Variants in ZNF292 observed in about 807,000 individuals in gnomAD.
ZNF292 encodes the protein 16 zinc-finger domain protein.
In ZNF292, 26 loss-of-function variants were observed where a neutral mutation model predicts 217.9. The ratio of observed to expected loss-of-function variants is 0.12; its 90% CI spans 0.09 to 0.17. The LOEUF is 0.17. ZNF292 is among the 10% of genes least tolerant of loss of function. ZNF292 has a pLI of 1.00. For synonymous variants in ZNF292, 1,257 were observed against 1,124.1 expected (o/e 1.12, Z -2.37); for missense variants, 2,904 against 3,175.2 (o/e 0.91, Z 2.05).
chr6:87,173,208 C>CA (rs11396517), intron 1 of ZNF292, among the ~76,000 whole-genome samples: 110,939 of 151,008 alleles, frequency 0.73, 41,242 homozygotes, highest in African/African-American at 0.84. Context: ...AATTTTGGCA[C>CA]AAAAAAAAAT....
intron 1 of ZNF292, among the ~76,000 whole-genome samples, chr6:87,209,628 C>G (rs892138926): frequency 6.6e-6 from 1 of 152,146 alleles, no homozygotes. Context: ...GAGAAACCTG[C>G]TCTTTTCTCT....
At chr6:87,159,862 T>C (rs1248959562) in intron 1 of ZNF292, among the ~76,000 whole-genome samples, 2 of 152,234 alleles carry the variant, frequency 1.3e-5, no homozygotes, top group African/African-American at 4.8e-5. Context: ...TTTTCAAAGT[T>C]AGCTTTAATA....
chr6:87,265,678 C>G lies in ZNF292; in HGVS notation c.*3877C>G, dbSNP rs1439847330. Among the ~76,000 whole-genome samples the G allele has an allele frequency of 1.3e-5, 2 of 152,310 alleles. No individual in the cohort carries two copies. Among genetic ancestry groups the G allele is most frequent in the Non-Finnish European group, 1.5e-5 (1 of 68,016 alleles). On this transcript the variant is annotated 3_prime_UTR_variant, in exon 8 of 8. Transcript: ENST00000369577. ...AGTTATATCCCACTGAACTAGCATT[C>G]TAAAGAACACACTTTGGGAAATGCT... is the stretch of plus-strand genomic sequence containing the variant.
intron 7 of ZNF292, among the ~76,000 whole-genome samples, chr6:87,248,563 C>G (rs1303124284): frequency 6.6e-6 from 1 of 152,124 alleles, no homozygotes; most frequent in Admixed American, 6.6e-5. Context: ...GGCAACACAG[C>G]AAGACCCTGT....
chr6:87,239,956 C>T (rs956236331), intron 5 of ZNF292, among the ~76,000 whole-genome samples: 7 of 151,748 alleles, frequency 4.6e-5, no homozygotes, highest in East Asian at 3.9e-4. Context: ...GGGTGGCGGC[C>T]GGGCAGAGGC....
At chr6:87,235,474 A>G (rs1013491656) in intron 5 of ZNF292, among the ~76,000 whole-genome samples, 18 of 152,128 alleles carry the variant, frequency 1.2e-4, no homozygotes, top group African/African-American at 4.3e-4. Context: ...AAAGAAGCGT[A>G]TCTCCTGTTA....
At chr6:87,251,298 CAG>C (rs1774908640) in intron 7 of ZNF292, among the ~76,000 whole-genome samples, 2 of 152,102 alleles carry the variant, frequency 1.3e-5, no homozygotes, top group African/African-American at 2.4e-5. Context: ...AGTTTTAAAA[CAG>C]GGTAAAGCAT....
At chr6:87,233,253 T>A in intron 4 of ZNF292, 72 bp from the exon 5 acceptor site, 1 of 1,091,082 alleles carries the variant, frequency 9.2e-7, no homozygotes, top group East Asian at 2.6e-5. Flanking sequence ...TAAAAATATT[T>A]CTTATAAGTG....
intron 1 of ZNF292, among the ~76,000 whole-genome samples, chr6:87,159,315 G>A (rs1159147515): frequency 6.6e-6 from 1 of 151,958 alleles, no homozygotes; most frequent in Non-Finnish European, 1.5e-5. Context: ...TGGGAGGAGG[G>A]AAGAGTAAGT....
rs146996286 is a variant in ZNF292, at chr6:87,220,406, G to A, written c.538+1675G>A. ...GGATCCTTATTGTCCCTGTTTTTCAGATGAGAAAATAGAGGTTCAGAAAGA... is the reference window on the plus strand; with the variant it reads ...GGATCCTTATTGTCCCTGTTTTTCAAATGAGAAAATAGAGGTTCAGAAAGA... On this transcript the variant is annotated intron_variant, in intron 4 of 7. Coordinates refer to ENST00000369577, the MANE Select transcript of ZNF292 (RefSeq NM_015021.3). Among the ~76,000 whole-genome samples the A allele has an allele frequency of 7.6e-3, 1,164 of 152,236 alleles. 23 individuals carry two copies. Among genetic ancestry groups the A allele is most frequent in the African/African-American group, 0.025 (1,056 of 41,534 alleles).
At chr6:87,241,708 C>G (rs1774294145) in intron 5 of ZNF292, among the ~76,000 whole-genome samples, 1 of 152,182 alleles carries the variant, frequency 6.6e-6, no homozygotes, top group Admixed American at 6.5e-5. Context: ...GCGTGAGCCA[C>G]CGTGTCCGGC....
intron 1 of ZNF292, among the ~76,000 whole-genome samples, chr6:87,162,615 A>G (rs1770784422): frequency 1.3e-5 from 2 of 152,234 alleles, no homozygotes; most frequent in African/African-American, 4.8e-5. Context: ...TAGAGATAAT[A>G]AATTCTACTT....
chr6:87,199,886 T>C (rs920224279), intron 1 of ZNF292, among the ~76,000 whole-genome samples: 3 of 152,204 alleles, frequency 2.0e-5, no homozygotes, highest in Admixed American at 6.5e-5. Flanking sequence ...CAATCACCTT[T>C]AAAGCTGGGT....
intron 1 of ZNF292, among the ~76,000 whole-genome samples, chr6:87,157,062 C>T (rs1770567118): frequency 6.6e-6 from 1 of 152,128 alleles, no homozygotes; most frequent in Non-Finnish European, 1.5e-5. Flanking sequence ...TATTTTTTAG[C>T]TTCCAAATAT....
Position 87,257,241 on chromosome 6 carries a change from G to T in ZNF292, c.3612G>T (p.Leu1204Phe). The T allele has an allele frequency of 6.2e-7, 1 of 1,613,772 alleles. No individual in the cohort carries two copies. Among genetic ancestry groups the T allele is most frequent in the Non-Finnish European group, 8.5e-7 (1 of 1,179,816 alleles). ...TAGCAAGTGTGTCAACTCCATTGTT[G>T]TCCTCAATGGAAAGTGTCATAAATC... ...AHLASVSTPLLSSMESVINPN... is the reference protein window; with the variant it reads ...AHLASVSTPLFSSMESVINPN... Residue 1204 changes from leucine to phenylalanine, a missense_variant, in exon 8 of 8, where the codon TTG (leucine) becomes TTT (phenylalanine). By Grantham distance (22) the Leu-to-Phe change is conservative. This residue lies in a region of ZNF292 where 687 missense variants were observed against 623.0 expected (regional missense o/e 1.10). Transcript: ENST00000369577.
Position 87,264,199 on chromosome 6 carries a change from C to T in ZNF292, c.*2398C>T, listed in dbSNP as rs1253172179. 6.6e-6 allele frequency: 1 copy of T among 152,016 alleles called. No individual in the cohort carries two copies. Among genetic ancestry groups the T allele is most frequent in the East Asian group, 1.9e-4 (1 of 5,190 alleles). The allele number at this position is 152,016 out of a possible 1,614,324, so 9.4% of individuals were successfully genotyped here. A position where few individuals can be genotyped will look rare whatever the true frequency, so the allele number is the denominator to read the frequency against. On this transcript the variant is annotated 3_prime_UTR_variant, in exon 8 of 8. Transcript: ENST00000369577. ...TAAAATATATTTTTTTCATGGTATA[C>T]TTTTCCCCAGCCTATTGTCTTGAGA...
At position 87,258,321 on chromosome 6, in the gene ZNF292, T is replaced by G. The variant is rs776181659; in HGVS notation, c.4692T>G (p.Cys1564Trp). The change falls in exon 8 of 8, where the codon TGT becomes TGG. Residue 1564 changes from cysteine to tryptophan, a missense_variant. This residue lies in a region of ZNF292 where 622 missense variants were observed against 573.1 expected (regional missense o/e 1.09). Coordinates refer to ENST00000369577, the MANE Select transcript of ZNF292 (RefSeq NM_015021.3). Reference protein sequence around the residue: ...SNSKTSSIEECSSLPVFPTND... With the variant: ...SNSKTSSIEEWSSLPVFPTND... Reference sequence around the variant, plus strand: ...CCAAAACTTCCTCCATTGAGGAATGTAGCAGCTTGCCTGTTTTTCCAACGA... The same window carrying G: ...CCAAAACTTCCTCCATTGAGGAATGGAGCAGCTTGCCTGTTTTTCCAACGA... 6.2e-7 allele frequency: 1 copy of G among 1,613,610 alleles called. No homozygotes were observed. Among genetic ancestry groups the G allele is most frequent in the South Asian group, 1.1e-5 (1 of 91,046 alleles).
chr6:87,155,653 A>G lies in ZNF292; in HGVS notation c.62A>G (p.Glu21Gly), dbSNP rs936839391. ...TGCGGCGAAGGCGGCTGCGTCGCGGAGCTGCAGCGCCTGGGCGAGCGGCTC... is the reference window on the plus strand; with the variant it reads ...TGCGGCGAAGGCGGCTGCGTCGCGGGGCTGCAGCGCCTGGGCGAGCGGCTC... Reference protein sequence around the residue: ...LSCGEGGCVAELQRLGERLQE... With the variant: ...LSCGEGGCVAGLQRLGERLQE... The change falls in exon 1 of 8, where the codon GAG (glutamate) becomes GGG (glycine). Residue 21 changes from glutamate (E) to glycine (G), a missense_variant. Around this residue, in one of 15 missense-constraint regions of ZNF292, gnomAD observed 66 missense variants for 44.1 expected, o/e 1.50. Transcript: ENST00000369577. 4.4e-5 allele frequency: 69 copies of G among 1,583,346 alleles called. No individual in the cohort carries two copies. Among genetic ancestry groups the G allele is most frequent in the Non-Finnish European group, 5.7e-5 (67 of 1,166,606 alleles).
At position 87,241,522 on chromosome 6, in the gene ZNF292, G is replaced by A. The variant is rs370624074; in HGVS notation, c.742-1953G>A. On this transcript the variant is annotated intron_variant, in intron 5 of 7. Transcript: ENST00000369577. Reference sequence around the variant, plus strand: ...CTGCTGCCACCTCCCAGATGTAAGCGGTTTTCCCACCTCAACCTCCCCAGT... The same window carrying A: ...CTGCTGCCACCTCCCAGATGTAAGCAGTTTTCCCACCTCAACCTCCCCAGT... Among the ~76,000 whole-genome samples the A allele has an allele frequency of 4.0e-5, 6 of 151,148 alleles. No individual in the cohort carries two copies. In the East Asian group the frequency reaches 5.9e-4, roughly 15 times the overall value.
Sources: gnomAD v4.1 joint callset for allele counts (sites outside exome capture counted in the v4.1 genomes callset) on GRCh38, gnomAD v4.1.1 for gene constraint, gnomAD v4.1.1 regional missense constraint, MANE v1.5 for transcripts, NCBI Gene and HGNC (gene_info 2026-07-23, HGNC 2026-07-21) for gene names.